Variants in CDH4 observed in about 807,000 individuals in gnomAD.
The protein encoded by CDH4 is cadherin-4.
A neutral mutation model predicts 86.0 loss-of-function variants in CDH4; 33 were observed. The observed-to-expected ratio is 0.38, with a 90% CI of 0.29 to 0.51. CDH4 has a LOEUF of 0.51. Ranked by LOEUF, CDH4 falls within the 20% of genes least tolerant of loss-of-function variation. The probability of loss-of-function intolerance (pLI) is 0.86; values close to 1 mark genes in which losing one functional copy is unlikely to be tolerated. For missense variants in CDH4, 1,114 were observed against 1,307.4 expected, an observed-to-expected ratio of 0.85 and a Z score of 2.28; for synonymous variants, 555 against 549.4, an observed-to-expected ratio of 1.01 and a Z score of -0.14.
intron 7 of CDH4, among the ~76,000 whole-genome samples, chr20:61,878,170 C>T (rs1984127445): frequency 6.6e-6 from 1 of 152,208 alleles, no homozygotes. Flanking sequence ...ACGATCAAAA[C>T]AAGACCTTCA....
At chr20:61,414,598 G>A (rs1306884679) in intron 2 of CDH4, among the ~76,000 whole-genome samples, 1 of 152,218 alleles carries the variant, frequency 6.6e-6, no homozygotes, top group Non-Finnish European at 1.5e-5. Flanking sequence ...GCTCACTATT[G>A]TTGCAAGCAC....
At chr20:61,383,841 GCGTATA>G (rs1333208770) in intron 2 of CDH4, among the ~76,000 whole-genome samples, 4 of 89,830 alleles carry the variant, frequency 4.5e-5, no homozygotes, top group African/African-American at 1.0e-4. Flanking sequence ...AGATATATAT[GCGTATA>G]TATGAAGATA....
At chr20:61,409,122 C>T (rs995316543) in intron 2 of CDH4, among the ~76,000 whole-genome samples, 1 of 152,238 alleles carries the variant, frequency 6.6e-6, no homozygotes, top group African/African-American at 2.4e-5. Flanking sequence ...GCCAAGGCTG[C>T]ACCGGCCACT....
At chr20:61,383,876 GATATATGAAT>G in intron 2 of CDH4, among the ~76,000 whole-genome samples, 1 of 86,278 alleles carries the variant, frequency 1.2e-5, no homozygotes, top group Admixed American at 9.6e-5. Flanking sequence ...TATATATGAA[GATATATGAAT>G]ATGTATGAGT....
intron 4 of CDH4, among the ~76,000 whole-genome samples, chr20:61,817,308 C>T (rs1381811035): frequency 6.6e-6 from 1 of 152,134 alleles, no homozygotes; most frequent in African/African-American, 2.4e-5. Context: ...CCGGGCTGCA[C>T]CCAGCTCTCA....
Position 61,534,653 on chromosome 20 carries a change from CTTTCTTTCTTTCTTTTT to C in CDH4, c.170-208906_170-208890del, listed in dbSNP as rs1600736204. ...GTTTTTTCTTTTCTTTCTTTCTTTT[CTTTCTTTCTTTCTTTTT>C]TTTTTTTTTTTTTTTTTGAGGTGTT... is the stretch of plus-strand genomic sequence containing the variant. On this transcript the variant is annotated intron_variant, in intron 2 of 15. Coordinates refer to ENST00000614565, the MANE Select transcript of CDH4 (RefSeq NM_001794.5). Among the ~76,000 whole-genome samples, 4 of 92,740 alleles carry C rather than the reference CTTTCTTTCTTTCTTTTT, an allele frequency of 4.3e-5. No homozygotes were observed. In the East Asian group the frequency reaches 1.3e-3, roughly 29 times the overall value. The allele number at this position is 92,740 out of a possible 152,430, so 60.8% of individuals were successfully genotyped here.
chr20:61,855,484 G>A (rs1421823300), intron 6 of CDH4, among the ~76,000 whole-genome samples: 3 of 152,208 alleles, frequency 2.0e-5, no homozygotes, highest in African/African-American at 7.2e-5. Flanking sequence ...GGGTGCAGAT[G>A]TGGAGGAGTG....
chr20:61,285,711 C>T (rs2084289711), intron 2 of CDH4, among the ~76,000 whole-genome samples: 1 of 152,278 alleles, frequency 6.6e-6, no homozygotes. Context: ...CAATTTCTCA[C>T]TTCCTTTTTG....
Position 61,818,254 on chromosome 20 carries a change from C to T in CDH4, c.577-26414C>T, listed in dbSNP as rs575788445. 1.8e-4 allele frequency among the ~76,000 whole-genome samples: 27 copies of T among 152,308 alleles called. No homozygotes were observed. In the South Asian group the frequency reaches 5.4e-3, roughly 30 times the overall value. ...GCAGACAGTGAGGAGGGCTTGGCTT[C>T]GAGGCTGCATGCCCTTGCTGGGGTG... On this transcript the variant is annotated intron_variant, in intron 4 of 15. Coordinates refer to ENST00000614565, the MANE Select transcript of CDH4 (RefSeq NM_001794.5).
chr20:61,361,847 C>G (rs533347515), intron 2 of CDH4, among the ~76,000 whole-genome samples: 7 of 152,228 alleles, frequency 4.6e-5, no homozygotes, highest in Non-Finnish European at 1.0e-4. Context: ...CAGCACATAG[C>G]TTTCTCTCAT....
rs182092809 is a variant in CDH4, at chr20:61,814,712, G to A, written c.577-29956G>A. Among the ~76,000 whole-genome samples the A allele has an allele frequency of 1.7e-3, 262 of 152,288 alleles. 1 individual carries two copies. The highest frequency in any genetic ancestry group is 2.4e-3 in the Non-Finnish European group (161 of 68,018). On this transcript the variant is annotated intron_variant, in intron 4 of 15. Transcript: ENST00000614565. ...CTGATCTCGTCATGCTTCTCCACAG[G>A]GGCGATGAGCACTTGATGGAGTAGC...
At chr20:61,711,052 G>A (rs1196031175) in intron 2 of CDH4, among the ~76,000 whole-genome samples, 5 of 152,180 alleles carry the variant, frequency 3.3e-5, no homozygotes. Context: ...TAATCTCCAC[G>A]TGTCCAGAGA....
At chr20:61,804,615 C>T (rs73305827) in intron 4 of CDH4, among the ~76,000 whole-genome samples, 218 of 152,348 alleles carry the variant, frequency 1.4e-3, no homozygotes, top group African/African-American at 5.1e-3. Context: ...CCTCTGTGGA[C>T]CTGCCCAGCT....
intron 1 of CDH4, among the ~76,000 whole-genome samples, chr20:61,254,520 T>A (rs2084086488): frequency 6.6e-6 from 1 of 152,170 alleles, no homozygotes; most frequent in South Asian, 2.1e-4. Context: ...TTTGGTCATT[T>A]CTCAGGCGTC....
chr20:61,619,143 C>A (rs1341379280), intron 2 of CDH4, among the ~76,000 whole-genome samples: 1 of 152,194 alleles, frequency 6.6e-6, no homozygotes, highest in African/African-American at 2.4e-5. Flanking sequence ...CAGACATTGC[C>A]ACCCTGCAGA....
At chr20:61,683,410 G>A (rs4925269) in intron 2 of CDH4, among the ~76,000 whole-genome samples, 28,842 of 152,078 alleles carry the variant, frequency 0.19, 2,995 homozygotes, top group East Asian at 0.41. Flanking sequence ...TGAACGGCAC[G>A]GGTTGCTTTC....
chr20:61,288,241 G>C (rs1013970756), intron 2 of CDH4, among the ~76,000 whole-genome samples: 1 of 151,996 alleles, frequency 6.6e-6, no homozygotes, highest in East Asian at 1.9e-4. Flanking sequence ...TGTATTTTCT[G>C]AGTGATCCAC....
At chr20:61,265,117 A>ACCC (rs1555831171) in intron 2 of CDH4, among the ~76,000 whole-genome samples, 1 of 138,314 alleles carries the variant, frequency 7.2e-6, no homozygotes. Context: ...TCTTACACAT[A>ACCC]CAGTGGCTCC....
chr20:61,447,629 T>TCC (rs2085359456), intron 2 of CDH4, among the ~76,000 whole-genome samples: 1 of 148,518 alleles, frequency 6.7e-6, no homozygotes, highest in African/African-American at 2.5e-5. Flanking sequence ...ACTTCCTTTT[T>TCC]TTTTTTTTTT....
Sources: gnomAD v4.1 joint callset for allele counts (sites outside exome capture counted in the v4.1 genomes callset) on GRCh38, gnomAD v4.1.1 for gene constraint, MANE v1.5 for transcripts, NCBI Gene and HGNC (gene_info 2026-07-23, HGNC 2026-07-21) for gene names.